Variants in ATRNL1 observed in about 807,000 individuals in gnomAD.
The protein encoded by ATRNL1 is attractin like 1, also known as attractin-like protein 1.
ATRNL1 carries 95 observed loss-of-function variants against 182.7 expected under a neutral mutation model. The ratio of observed to expected loss-of-function variants is 0.52; its 90% confidence interval spans 0.44 to 0.62. The LOEUF is 0.62. ATRNL1 is among the 20% of genes least tolerant of loss of function. The probability of loss-of-function intolerance (pLI) is 0.00; values close to 1 mark genes in which losing one functional copy is unlikely to be tolerated. For missense variants in ATRNL1, 1,471 were observed against 1,679.5 expected, an observed-to-expected ratio of 0.88 and a Z score of 2.17; for synonymous variants, 576 against 568.3, an observed-to-expected ratio of 1.01 and a Z score of -0.19.
intron 27 of ATRNL1, among the ~76,000 whole-genome samples, chr10:115,835,232 C>A (rs1401921555): frequency 6.6e-6 from 1 of 152,042 alleles, no homozygotes; most frequent in Non-Finnish European, 1.5e-5. Flanking sequence ...TCCCTGAATG[C>A]AAAATAAGGG....
intron 28 of ATRNL1, among the ~76,000 whole-genome samples, chr10:115,922,452 A>G (rs1341080494): frequency 2.6e-5 from 4 of 152,086 alleles, no homozygotes; most frequent in Admixed American, 2.6e-4. Context: ...CTAGCTAGCT[A>G]TTTATTTATT....
At chr10:115,642,284 C>T (rs1384757929) in intron 26 of ATRNL1, among the ~76,000 whole-genome samples, 1 of 152,108 alleles carries the variant, frequency 6.6e-6, no homozygotes, top group Non-Finnish European at 1.5e-5. Flanking sequence ...ATGAATTTAA[C>T]AAAGTGTTCT....
intron 13 of ATRNL1, among the ~76,000 whole-genome samples, chr10:115,269,026 T>C (rs1381621810): frequency 1.3e-5 from 2 of 152,206 alleles, no homozygotes; most frequent in Non-Finnish European, 2.9e-5. Context: ...GCAAGGGAGC[T>C]GCTAAACATT....
Position 115,286,315 on chromosome 10 carries a change from A to G in ATRNL1, c.2333A>G (p.Asn778Ser). 6.2e-7 allele frequency: 1 copy of G among 1,606,192 alleles called. No individual in the cohort carries two copies. The highest frequency in any genetic ancestry group is 8.5e-7 in the Non-Finnish European group (1 of 1,173,732). ...GACAATGCAAAACTTTATTGCTATA[A>G]TCTTAGTGGAAATCTTGCTTCATTA... ...NYDNAKLYCY[N>S]LSGNLASLTT... Residue 778 changes from asparagine (N) to serine (S), a missense_variant, in exon 15 of 29, where the codon AAT becomes AGT. By Grantham distance (46) the Asn-to-Ser change is conservative (BLOSUM62 1). This residue lies in a region of ATRNL1 where 1,031 missense variants were observed against 1,156.0 expected (regional missense o/e 0.89). Coordinates refer to ENST00000355044, the MANE Select transcript of ATRNL1 (RefSeq NM_207303.4).
intron 25 of ATRNL1, among the ~76,000 whole-genome samples, chr10:115,532,790 G>A (rs1473163400): frequency 4.0e-5 from 6 of 151,830 alleles, no homozygotes; most frequent in African/African-American, 1.5e-4. Context: ...ATTATTTTGA[G>A]ATACATCCCA....
chr10:115,776,543 G>C (rs760905492), intron 27 of ATRNL1, among the ~76,000 whole-genome samples: 98 of 143,890 alleles, frequency 6.8e-4, no homozygotes, highest in Non-Finnish European at 1.2e-3. Flanking sequence ...AAGTTTGTCA[G>C]TTTTGGGGTC....
At chr10:115,544,492 G>C (rs977032706) in intron 25 of ATRNL1, among the ~76,000 whole-genome samples, 4 of 152,228 alleles carry the variant, frequency 2.6e-5, no homozygotes, top group East Asian at 1.9e-4. Flanking sequence ...GAAGGTGAAG[G>C]GGGGGCAGGC....
chr10:115,318,509 G>C (rs781929872), intron 18 of ATRNL1, among the ~76,000 whole-genome samples: 1 of 152,038 alleles, frequency 6.6e-6, no homozygotes, highest in African/African-American at 2.4e-5. Context: ...CTGTGAATCT[G>C]TCTGGTCCTG....
intron 28 of ATRNL1, among the ~76,000 whole-genome samples, chr10:115,914,312 T>A (rs782377891): frequency 8.5e-5 from 13 of 152,166 alleles, no homozygotes; most frequent in Non-Finnish European, 1.8e-4. Flanking sequence ...AGGTGGTATA[T>A]CAGGGAAGAC....
intron 5 of ATRNL1, among the ~76,000 whole-genome samples, chr10:115,143,841 T>TA (rs1554878668): frequency 6.6e-6 from 1 of 152,134 alleles, no homozygotes; most frequent in Non-Finnish European, 1.5e-5. Flanking sequence ...ATGAGGACCC[T>TA]ACCCTGATAA....
intron 27 of ATRNL1, among the ~76,000 whole-genome samples, chr10:115,818,945 A>G (rs144975516): frequency 3.5e-4 from 53 of 152,246 alleles, no homozygotes; most frequent in African/African-American, 1.3e-3. Flanking sequence ...ACCTGCAATT[A>G]CAGCCCACAA....
chr10:115,515,718 A>G (rs1486717250), intron 24 of ATRNL1, among the ~76,000 whole-genome samples: 2 of 151,802 alleles, frequency 1.3e-5, no homozygotes, highest in African/African-American at 4.8e-5. Context: ...GTAATGTTCC[A>G]CATTCTCCTT....
chr10:115,876,621 A>C (rs967303967), intron 28 of ATRNL1, among the ~76,000 whole-genome samples: 1 of 152,182 alleles, frequency 6.6e-6, no homozygotes, highest in Admixed American at 6.5e-5. Flanking sequence ...GTAAATAGAC[A>C]TAGAATTCAG....
intron 28 of ATRNL1, among the ~76,000 whole-genome samples, chr10:115,871,465 TTCTTTGTGTGTGTG>T (rs2134417284): frequency 6.0e-5 from 1 of 16,770 alleles, no homozygotes; most frequent in African/African-American, 8.3e-5. Context: ...CCTGGTCAGA[TTCTTTGTGTGTGTG>T]TATATATATA....
intron 28 of ATRNL1, among the ~76,000 whole-genome samples, chr10:115,928,888 A>G (rs1953313321): frequency 6.6e-6 from 1 of 151,974 alleles, no homozygotes; most frequent in Admixed American, 6.6e-5. Flanking sequence ...ATGATTTTAG[A>G]AACATGTCCT....
chr10:115,348,429 T>G (rs1564939199), intron 19 of ATRNL1, among the ~76,000 whole-genome samples: 1 of 152,206 alleles, frequency 6.6e-6, no homozygotes, highest in Non-Finnish European at 1.5e-5. Flanking sequence ...ATTGTGATAT[T>G]ATTATTACTA....
At chr10:115,737,580 G>A (rs1555066375) in intron 27 of ATRNL1, among the ~76,000 whole-genome samples, 1 of 152,050 alleles carries the variant, frequency 6.6e-6, no homozygotes, top group Non-Finnish European at 1.5e-5. Flanking sequence ...TCCTCCTCCT[G>A]GCCTTGGCTC....
intron 9 of ATRNL1, among the ~76,000 whole-genome samples, chr10:115,236,998 A>T (rs1850215053): frequency 6.6e-6 from 1 of 152,176 alleles, no homozygotes; most frequent in Non-Finnish European, 1.5e-5. Context: ...GGAATCATGT[A>T]GTATGTAGCC....
At chr10:115,479,490 A>G (rs1337897535) in intron 24 of ATRNL1, among the ~76,000 whole-genome samples, 1 of 151,466 alleles carries the variant, frequency 6.6e-6, no homozygotes, top group Non-Finnish European at 1.5e-5. Flanking sequence ...AAATCAAACA[A>G]AAGTTTTCTT....
Sources: gnomAD v4.1 joint callset for allele counts (sites outside exome capture counted in the v4.1 genomes callset) on GRCh38, gnomAD v4.1.1 for gene constraint, gnomAD v4.1.1 regional missense constraint, MANE v1.5 for transcripts, NCBI Gene and HGNC (gene_info 2026-07-23, HGNC 2026-07-21) for gene names.